The following CERS4 variants were observed in gnomAD, a reference collection of about 807,000 sequenced individuals.
CERS4 encodes LAG1 homolog, ceramide synthase 4.
A neutral mutation model predicts 51.8 loss-of-function variants in CERS4; 65 were observed. The observed-to-expected ratio is 1.26, with a 90% CI of 1.03 to 1.54. CERS4 has a LOEUF of 1.54. CERS4 is among the 40% of genes most tolerant of loss of function. The pLI is 0.00. For synonymous variants in CERS4, 228 were observed against 208.4 expected, an observed-to-expected ratio of 1.09 and a Z score of -0.81; for missense variants, 563 against 500.4, an observed-to-expected ratio of 1.13 and a Z score of -1.19.
chr19:8,226,313 T>TA (rs1196466870), intron 2 of CERS4, among the ~76,000 whole-genome samples: 1 of 152,190 alleles, frequency 6.6e-6, no homozygotes, highest in Non-Finnish European at 1.5e-5. Context: ...CCTGGGATGG[T>TA]ACCAACGCTA....
chr19:8,255,804 C>T lies in CERS4; in HGVS notation c.411-18C>T. On this transcript the variant is annotated intron_variant, in intron 5 of 11. Transcript: ENST00000251363. ...GGGCGGGTGTCTGCTATTTTCACAG[C>T]TCCCTCCCCATCCACAGCTGGAGGT... 1 of 1,613,900 alleles carries T rather than the reference C, an allele frequency of 6.2e-7. No homozygotes were observed. Among genetic ancestry groups the T allele is most frequent in the Non-Finnish European group, 8.5e-7 (1 of 1,179,984 alleles).
intron 2 of CERS4, among the ~76,000 whole-genome samples, chr19:8,236,749 C>G (rs547357152): frequency 9.6e-4 from 144 of 150,662 alleles, no homozygotes; most frequent in African/African-American, 3.5e-3. Flanking sequence ...TGCCTGTAAT[C>G]CCAGCACTTT....
intron 2 of CERS4, among the ~76,000 whole-genome samples, chr19:8,217,472 G>A (rs1033629893): frequency 2.6e-4 from 39 of 151,062 alleles, no homozygotes; most frequent in Non-Finnish European, 7.4e-5. Flanking sequence ...GAGTTCAAGC[G>A]ATCCTCCTGC....
chr19:8,210,461 T>C lies in CERS4; in HGVS notation c.-158-245T>C, dbSNP rs902413663. ...GTTGGGAGACTTGAGGAGAAGCTGC[T>C]CTGGGGGACACAGGAAGGTGGGCAG... is the stretch of plus-strand genomic sequence containing the variant. On this transcript the variant is annotated intron_variant, in intron 1 of 11. Coordinates refer to ENST00000251363, the MANE Select transcript of CERS4 (RefSeq NM_024552.3). This position sits in a 1 kb window ranked among gnomAD's most constrained non-coding sequence, Gnocchi z 4.2. Among the ~76,000 whole-genome samples, 4 of 151,952 alleles carry C rather than the reference T, an allele frequency of 2.6e-5. No homozygotes were observed. Among genetic ancestry groups the C allele is most frequent in the Middle Eastern group, 3.4e-3 (1 of 294 alleles).
chr19:8,254,911 C>T (rs1969298275), intron 4 of CERS4, among the ~76,000 whole-genome samples: 1 of 152,042 alleles, frequency 6.6e-6, no homozygotes, highest in Non-Finnish European at 1.5e-5. Context: ...AGATGGGGCC[C>T]CTCCCCTCCC....
intron 2 of CERS4, among the ~76,000 whole-genome samples, chr19:8,236,761 G>A (rs1968278944): frequency 6.6e-6 from 1 of 151,330 alleles, no homozygotes; most frequent in Non-Finnish European, 1.5e-5. Context: ...CAGCACTTTG[G>A]GAGGCTAAGG....
intron 10 of CERS4, among the ~76,000 whole-genome samples, chr19:8,258,687 TA>T (rs1394238146): frequency 6.6e-6 from 1 of 151,670 alleles, no homozygotes; most frequent in Non-Finnish European, 1.5e-5. Context: ...TATTAAAAAT[TA>T]AAAATTAGCC....
intron 4 of CERS4, 54 bp downstream of exon 4, chr19:8,254,670 G>C: frequency 6.7e-7 from 1 of 1,496,874 alleles, no homozygotes. Flanking sequence ...GGTGGGGCGT[G>C]GGGATGGTGT....
At chr19:8,211,317 G>A (rs922429534) in intron 2 of CERS4, among the ~76,000 whole-genome samples, 9 of 152,108 alleles carry the variant, frequency 5.9e-5, no homozygotes, top group African/African-American at 9.7e-5. Context: ...TTGGGAGCTC[G>A]CTGCCCTGTC....
intron 2 of CERS4, among the ~76,000 whole-genome samples, chr19:8,245,128 A>AAAAAAAACAAAAAAAAACAAAAAC (rs1568523543): frequency 3.7e-4 from 7 of 18,898 alleles, no homozygotes; most frequent in Non-Finnish European, 8.1e-4. Flanking sequence ...AAAAAAAAAA[A>AAAAAAAACAAAAAAAAACAAAAAC]AAAAAAACAC....
At chr19:8,231,463 G>A (rs1489063199) in intron 2 of CERS4, among the ~76,000 whole-genome samples, 1 of 152,158 alleles carries the variant, frequency 6.6e-6, no homozygotes, top group East Asian at 1.9e-4. Flanking sequence ...GTTGGAATAC[G>A]TTCAATATCC....
At chr19:8,229,712 T>A (rs1967933655) in intron 2 of CERS4, among the ~76,000 whole-genome samples, 1 of 151,902 alleles carries the variant, frequency 6.6e-6, no homozygotes, top group African/African-American at 2.4e-5. Flanking sequence ...ATGCCCAGCC[T>A]TTTTTGTTTT....
At chr19:8,239,191 C>G (rs1348014573) in intron 2 of CERS4, among the ~76,000 whole-genome samples, 1 of 151,822 alleles carries the variant, frequency 6.6e-6, no homozygotes, top group Non-Finnish European at 1.5e-5. Flanking sequence ...CACCTGAGGT[C>G]AAGAGTTCGA....
chr19:8,262,017 G>C lies in CERS4; in HGVS notation c.1093G>C (p.Gly365Arg). The change falls in exon 12 of 12, where the codon GGG becomes CGG. Residue 365 changes from glycine (G) to arginine (R), a missense_variant. Gly to Arg is a moderately radical substitution (Grantham distance 125, BLOSUM62 -2). Transcript: ENST00000251363. The part of the protein sequence containing the change: ...AAQEPLQLKN[G>R]AAGGPRPAPT... The stretch of plus-strand genomic sequence containing the variant: ...CCAGGAACCTCTGCAGCTAAAGAAC[G>C]GGGCAGCTGGAGGGCCCAGGCCAGC... The C allele has an allele frequency of 1.3e-6, 2 of 1,586,714 alleles. No homozygotes were observed. Among genetic ancestry groups the C allele is most frequent in the South Asian group, 1.1e-5 (1 of 86,962 alleles).
intron 2 of CERS4, among the ~76,000 whole-genome samples, chr19:8,218,032 T>C (rs1485721670): frequency 6.6e-6 from 1 of 152,088 alleles, no homozygotes; most frequent in Non-Finnish European, 1.5e-5. Context: ...TGGTGCAATC[T>C]TGGCTCACTG....
At chr19:8,251,928 AT>A (rs1047304015) in intron 3 of CERS4, among the ~76,000 whole-genome samples, 3 of 151,266 alleles carry the variant, frequency 2.0e-5, no homozygotes, top group Admixed American at 6.6e-5. Flanking sequence ...CTTAAAAAAA[AT>A]TTTTTTTTGA....
At chr19:8,239,320 A>G (rs1432757193) in intron 2 of CERS4, 2 of 148,038 alleles carry the variant, frequency 1.4e-5, no homozygotes, top group African/African-American at 5.0e-5. Flanking sequence ...AATTGCTTGA[A>G]CCCGGGAGGC....
Position 8,257,963 on chromosome 19 carries a change from C to A in CERS4, c.826C>A (p.Arg276=). 1.9e-6 allele frequency: 3 copies of A among 1,613,914 alleles called. No individual in the cohort carries two copies. Among genetic ancestry groups the A allele is most frequent in the African/African-American group, 2.7e-5 (2 of 75,024 alleles). The change falls in exon 10 of 12, where the codon CGA becomes AGA. Residue 276 remains arginine (R), a synonymous_variant. Coordinates refer to ENST00000251363, the MANE Select transcript of CERS4 (RefSeq NM_024552.3). ...LIFSFVFFYT[R]LVLFPTQILY... ...CTTCTCCTTTGTCTTCTTCTACACC[C>A]GACTGGTCCTCTTTCCCACCCAGTG...
At chr19:8,243,080 G>C (rs1484364381) in intron 2 of CERS4, among the ~76,000 whole-genome samples, 1 of 151,060 alleles carries the variant, frequency 6.6e-6, no homozygotes, top group Non-Finnish European at 1.5e-5. Context: ...AGCTGCACCA[G>C]TGACTCAGAA....
Sources: allele counts gnomAD v4.1 joint callset (sites outside exome capture counted in the v4.1 genomes callset), GRCh38; gene constraint gnomAD v4.1.1; non-coding constraint Gnocchi (gnomAD v3.1); transcripts MANE v1.5; gene names NCBI Gene and HGNC (gene_info 2026-07-23, HGNC 2026-07-21).